The following GCNT2 variants were observed in gnomAD, a reference collection of about 807,000 sequenced individuals.
The protein encoded by GCNT2 is N-acetyllactosaminide beta-1,6-N-acetylglucosaminyl-transferase.
GCNT2 carries 34 observed loss-of-function variants against 34.2 expected under a neutral mutation model. That is an observed-to-expected ratio of 1.00 (90% CI 0.76 to 1.32). The LOEUF is 1.32. Among genes scored for constraint, GCNT2 ranks in the 40% most tolerant of loss-of-function variants. The probability of loss-of-function intolerance (pLI) is 0.00; values close to 1 mark genes in which losing one functional copy is unlikely to be tolerated. For missense variants in GCNT2, 584 were observed against 489.4 expected, an observed-to-expected ratio of 1.19 and a Z score of -1.82; for synonymous variants, 212 against 188.0, an observed-to-expected ratio of 1.13 and a Z score of -1.04.
intron 3 of GCNT2, among the ~76,000 whole-genome samples, chr6:10,565,577 A>G (rs1440079599): frequency 5.3e-5 from 8 of 151,952 alleles, no homozygotes; most frequent in Admixed American, 4.6e-4. Context: ...ACCCTATAAA[A>G]TCTCCAGCAA....
At chr6:10,586,210 G>A in intron 3 of GCNT2, 1 of 1,614,104 alleles carries the variant, frequency 6.2e-7, no homozygotes. Context: ...AGTGTCCCTT[G>A]CAAGGATTAC....
At chr6:10,538,408 C>CAAAAAAAAA (rs70991023) in intron 3 of GCNT2, among the ~76,000 whole-genome samples, 2 of 40,190 alleles carry the variant, frequency 5.0e-5, no homozygotes, top group Admixed American at 4.2e-4. Context: ...GACTCCGTCT[C>CAAAAAAAAA]AAAAAAAAAA....
chr6:10,533,918 C>T (rs1048360544), intron 3 of GCNT2, among the ~76,000 whole-genome samples: 11 of 151,446 alleles, frequency 7.3e-5, no homozygotes, highest in African/African-American at 2.7e-4. Context: ...CACGCATCCT[C>T]ATTGCTGGTG....
chr6:10,598,485 C>T (rs1048062750), intron 3 of GCNT2, among the ~76,000 whole-genome samples: 2 of 152,158 alleles, frequency 1.3e-5, no homozygotes, highest in Non-Finnish European at 2.9e-5. Flanking sequence ...CTCTTTGTCA[C>T]GGTCACTGTG....
At chr6:10,606,152 TA>T (rs1245726082) in intron 3 of GCNT2, among the ~76,000 whole-genome samples, 1 of 152,200 alleles carries the variant, frequency 6.6e-6, no homozygotes, top group Non-Finnish European at 1.5e-5. Context: ...CTGTCTCTAC[TA>T]AAAATACAAA....
In GCNT2 at chr6:10,529,431, C is replaced by CT. The variant is rs774530016; in HGVS notation, c.521dup (p.Glu175GlyfsTer7). 3 of 1,614,044 alleles carry CT rather than the reference C, an allele frequency of 1.9e-6. No homozygotes were observed. Among genetic ancestry groups the CT allele is most frequent in the African/African-American group, 2.7e-5 (2 of 74,902 alleles). ...CAGGCTCCAGGCTGACCTGAACTGC[C>CT]TGGAAGACCTTGTGGCCTCTGAAGT... is the stretch of plus-strand genomic sequence containing the variant. On this transcript the variant is annotated frameshift_variant, in exon 3 of 5. Coordinates refer to ENST00000495262, the MANE Select transcript of GCNT2 (RefSeq NM_145649.5). LOFTEE classifies it high-confidence loss of function.
intron 3 of GCNT2, among the ~76,000 whole-genome samples, chr6:10,559,208 C>CT (rs1762857389): frequency 6.6e-6 from 1 of 151,950 alleles, no homozygotes; most frequent in Non-Finnish European, 1.5e-5. Flanking sequence ...AAGAATTCCC[C>CT]TTTTTTCCTT....
chr6:10,581,647 A>G, intron 3 of GCNT2: 1 of 550,912 alleles, frequency 1.8e-6, no homozygotes, highest in Non-Finnish European at 2.3e-6. Flanking sequence ...TGCTTTGGCT[A>G]CATCATGTTG....
At chr6:10,582,378 T>TAAATATAATATATACTA (rs1561816530) in intron 3 of GCNT2, among the ~76,000 whole-genome samples, 17 of 90,718 alleles carry the variant, frequency 1.9e-4, no homozygotes, top group Non-Finnish European at 2.7e-4. Flanking sequence ...ATACTATAAT[T>TAAATATAATATATACTA]TAATATTTAT....
At chr6:10,581,326 A>G (rs1210628562) in intron 3 of GCNT2, among the ~76,000 whole-genome samples, 1 of 151,918 alleles carries the variant, frequency 6.6e-6, no homozygotes, top group Non-Finnish European at 1.5e-5. Context: ...GCTGGAGTGC[A>G]ATGGCGTGAT....
At chr6:10,536,562 G>A (rs1052406749) in intron 3 of GCNT2, among the ~76,000 whole-genome samples, 13 of 151,718 alleles carry the variant, frequency 8.6e-5, no homozygotes, top group Non-Finnish European at 1.8e-4. Flanking sequence ...CACCATGTTG[G>A]CCAGGATGGT....
chr6:10,575,266 T>C (rs933462648), intron 3 of GCNT2: 1 of 268,546 alleles, frequency 3.7e-6, no homozygotes. Flanking sequence ...TTAAATCCTC[T>C]TTCTTGTCAA....
chr6:10,546,803 A>T (rs1371271946), intron 3 of GCNT2, among the ~76,000 whole-genome samples: 1 of 152,220 alleles, frequency 6.6e-6, no homozygotes, highest in Non-Finnish European at 1.5e-5. Context: ...AAATGTAAAC[A>T]GTACACAAAA....
chr6:10,579,731 G>A (rs592974), intron 3 of GCNT2, among the ~76,000 whole-genome samples: 4,379 of 149,148 alleles, frequency 0.029, 189 homozygotes, highest in African/African-American at 0.097. Context: ...CAAGAGAATG[G>A]CTTGAACCCG....
intron 3 of GCNT2, among the ~76,000 whole-genome samples, chr6:10,573,736 C>T (rs1763660123): frequency 6.6e-6 from 1 of 152,236 alleles, no homozygotes; most frequent in Non-Finnish European, 1.5e-5. Context: ...TAGCTTTTTG[C>T]AGGTGCACCA....
At chr6:10,535,660 G>A (rs1761718763) in intron 3 of GCNT2, among the ~76,000 whole-genome samples, 1 of 152,178 alleles carries the variant, frequency 6.6e-6, no homozygotes, top group Non-Finnish European at 1.5e-5. Context: ...TGTTTCACTT[G>A]CTACAAAGGA....
intron 3 of GCNT2, among the ~76,000 whole-genome samples, chr6:10,569,398 C>A (rs561842453): frequency 2.0e-5 from 3 of 152,142 alleles, no homozygotes; most frequent in African/African-American, 7.2e-5. Context: ...CTTGGCTCAC[C>A]GCAGCCTCAA....
chr6:10,565,553 T>C (rs1266199649), intron 3 of GCNT2, among the ~76,000 whole-genome samples: 1 of 152,222 alleles, frequency 6.6e-6, no homozygotes, highest in Non-Finnish European at 1.5e-5. Flanking sequence ...AAAGCTCTCT[T>C]CAGCATGAAC....
At position 10,527,506 on chromosome 6, in the gene GCNT2, A is replaced by G. The variant is rs919785959; in HGVS notation, c.-436A>G. 4.6e-5 allele frequency: 7 copies of G among 152,234 alleles called. No individual in the cohort carries two copies. Among genetic ancestry groups the G allele is most frequent in the Non-Finnish European group, 1.0e-4 (7 of 68,038 alleles). 9.4% of individuals were successfully genotyped at this position (152,234 alleles called of 1,614,324 possible). ...TAGGAGCCAGAAACATGAGGAATACATGAGCTCGGCGCCAATGGAACATGC... is the reference window on the plus strand; with the variant it reads ...TAGGAGCCAGAAACATGAGGAATACGTGAGCTCGGCGCCAATGGAACATGC... On this transcript the variant is annotated 5_prime_UTR_variant, in exon 2 of 5. It removes an upstream start codon present in the reference 5' UTR. Coordinates refer to ENST00000495262, the MANE Select transcript of GCNT2 (RefSeq NM_145649.5).
Sources: allele counts gnomAD v4.1 joint callset (sites outside exome capture counted in the v4.1 genomes callset), GRCh38; gene constraint gnomAD v4.1.1; transcripts MANE v1.5; gene names NCBI Gene and HGNC (gene_info 2026-07-23, HGNC 2026-07-21).